Variants in FBN3 observed in about 807,000 individuals in gnomAD.
FBN3 encodes the protein fibrillin 3.
Under a neutral mutation model 330.1 loss-of-function variants are expected in FBN3, and 234 were observed. The observed-to-expected ratio is 0.71, with a 90% CI of 0.64 to 0.79. The LOEUF is 0.79. Ranked by LOEUF, FBN3 falls within the 30% of genes least tolerant of loss-of-function variation. The pLI, the probability that FBN3 is intolerant of heterozygous loss-of-function variation, is 0.00. For missense variants in FBN3, 3,606 were observed against 3,886.9 expected, an observed-to-expected ratio of 0.93 and a Z score of 1.92; for synonymous variants, 1,458 against 1,517.3, an observed-to-expected ratio of 0.96 and a Z score of 0.91.
At position 8,094,611 on chromosome 19, in the gene FBN3, G is replaced by C. The variant is rs749572695; in HGVS notation, c.5786-46C>G. 2.5e-6 allele frequency: 4 copies of C among 1,588,718 alleles called. No homozygotes were observed. In the East Asian group the frequency reaches 9.0e-5, roughly 36 times the overall value. ...GGTCCTTGTGCCAGCCAGGATGCAG[G>C]GGGCTCACTTGGGACTGGGACCAAC... On this transcript the variant is annotated intron_variant, in intron 46 of 63. Transcript: ENST00000600128.
intron 34 of FBN3, 55 bp downstream of exon 34, chr19:8,110,790 C>T: frequency 6.2e-7 from 1 of 1,609,170 alleles, no homozygotes; most frequent in Non-Finnish European, 8.5e-7. Flanking sequence ...GAGCCATGTC[C>T]CCTGCCCCAA....
intron 8 of FBN3, among the ~76,000 whole-genome samples, chr19:8,138,998 G>A (rs1252555089): frequency 6.6e-6 from 1 of 151,988 alleles, no homozygotes; most frequent in Non-Finnish European, 1.5e-5. Flanking sequence ...AGATTGCAGT[G>A]AGCTGAGATC....
chr19:8,120,684 C>T (rs1458503371), intron 25 of FBN3, among the ~76,000 whole-genome samples: 1 of 152,114 alleles, frequency 6.6e-6, no homozygotes, highest in Non-Finnish European at 1.5e-5. Flanking sequence ...GTTATGTTGC[C>T]CAGGCTGGCC....
intron 30 of FBN3, 94 bp from the exon 31 acceptor site, chr19:8,112,193 G>A: frequency 7.4e-7 from 1 of 1,351,906 alleles, no homozygotes; most frequent in Non-Finnish European, 1.0e-6. Context: ...TTCCTCTCTA[G>A]GGGAGAGCTG....
At chr19:8,145,052 C>T (rs2145060526) in intron 5 of FBN3, 80 bp from the exon 6 acceptor site, 2 of 1,184,410 alleles carry the variant, frequency 1.7e-6, no homozygotes, top group African/African-American at 1.5e-5. Context: ...TGTCTTCACC[C>T]AGGAATCCCC....
intron 56 of FBN3, among the ~76,000 whole-genome samples, chr19:8,084,896 T>C (rs900824625): frequency 7.8e-4 from 119 of 151,824 alleles, no homozygotes; most frequent in Non-Finnish European, 1.8e-4. Flanking sequence ...CCTATTTTTA[T>C]TGCTTTTGGA....
At chr19:8,098,045 T>G (rs1026732437) in intron 41 of FBN3, among the ~76,000 whole-genome samples, 1 of 152,232 alleles carries the variant, frequency 6.6e-6, no homozygotes, top group African/African-American at 2.4e-5. Context: ...TGAAAATGTT[T>G]TAAACTTAGA....
chr19:8,127,059 G>GTTTT (rs869282535), intron 18 of FBN3, among the ~76,000 whole-genome samples: 6 of 103,886 alleles, frequency 5.8e-5, no homozygotes, highest in Non-Finnish European at 9.3e-5. Context: ...TTTTTTTTTT[G>GTTTT]TTTTTTTTTT....
intron 63 of FBN3, among the ~76,000 whole-genome samples, chr19:8,071,414 T>C (rs150918051): frequency 1.8e-3 from 273 of 151,892 alleles, no homozygotes; most frequent in African/African-American, 6.2e-3. Flanking sequence ...AGATGCTGAG[T>C]GGGTATGTCA....
Position 8,138,189 on chromosome 19 carries a change from A to G in FBN3, c.1153T>C (p.Ser385Pro). The G allele has an allele frequency of 6.2e-7, 1 of 1,613,254 alleles. No homozygotes were observed. Among genetic ancestry groups the G allele is most frequent in the Non-Finnish European group, 8.5e-7 (1 of 1,179,720 alleles). The change falls in exon 10 of 64, where the codon TCT (serine) becomes CCT (proline). Residue 385 changes from serine to proline, a missense_variant. By Grantham distance (74) the Ser-to-Pro change is moderately conservative (BLOSUM62 -1). Coordinates refer to ENST00000600128, the MANE Select transcript of FBN3 (RefSeq NM_032447.5). ...AGGCTGGGGATCCCACGCGCATCAG[A>G]GCCATGGGGGTTGAGTCGCGCTGGC... ...LGPARLNPHG[S>P]DARGIPSLGP...
intron 38 of FBN3, among the ~76,000 whole-genome samples, chr19:8,105,118 C>A (rs1453244734): frequency 6.6e-6 from 1 of 151,732 alleles, no homozygotes; most frequent in African/African-American, 2.4e-5. Context: ...CTATGCCCGG[C>A]TAATTTTTGT....
Position 8,109,340 on chromosome 19 carries a change from C to A in FBN3, c.4505G>T (p.Ser1502Ile). Residue 1502 changes from serine (S) to isoleucine (I), a missense_variant, in exon 36 of 64, where the codon AGT becomes ATT. Ser to Ile is a moderately radical substitution (Grantham distance 142). Transcript: ENST00000600128. The surrounding 1 kb of genome is among the most constrained non-coding windows in gnomAD (Gnocchi z 5.2). ...CFLETHDRGD[S>I]GISCSAEIGV... ...GATCTCGGCACTGCAGGAAATGCCA[C>A]TGTCCCCTCGGTCATGCGTCTCCAG... 3.1e-6 allele frequency: 5 copies of A among 1,614,228 alleles called. No individual in the cohort carries two copies. Among genetic ancestry groups the A allele is most frequent in the Non-Finnish European group, 4.2e-6 (5 of 1,180,042 alleles).
At chr19:8,130,605 A>AAGGAAGGAAGG (rs2083108054) in intron 16 of FBN3, among the ~76,000 whole-genome samples, 1 of 11,986 alleles carries the variant, frequency 8.3e-5, no homozygotes, top group Middle Eastern at 0.021. Flanking sequence ...AGAAAGAAAG[A>AAGGAAGGAAGG]AAGAAAGAAA....
chr19:8,088,439 G>T (rs7257658), intron 51 of FBN3, among the ~76,000 whole-genome samples: 18,496 of 152,016 alleles, frequency 0.12, 1,214 homozygotes, highest in African/African-American at 0.16. Context: ...GCCAGTGAAT[G>T]AAGGAGTGAT....
rs11666450 is a variant in FBN3, at chr19:8,132,981, C to T, written c.1714+3G>A. On this transcript the variant is annotated splice_donor_region_variant and intron_variant, in intron 14 of 63. Transcript: ENST00000600128. ...CCGCTGGCCAGTCTGGCTCCAGGCT[C>T]ACCCATGCAGTAGTGGCCGCCAGGC... 0.34 allele frequency: 533,708 copies of T among 1,550,886 alleles called. 97,965 individuals are homozygous for T. The highest frequency in any genetic ancestry group is 0.38 in the Non-Finnish European group (440,728 of 1,151,610).
intron 16 of FBN3, among the ~76,000 whole-genome samples, chr19:8,130,022 C>A (rs1457381725): frequency 6.6e-6 from 1 of 151,984 alleles, no homozygotes; most frequent in Non-Finnish European, 1.5e-5. Context: ...CTCAGCCCCC[C>A]AAGTAGCTGG....
Position 8,090,053 on chromosome 19 carries a change from G to C in FBN3, c.6184+46C>G, listed in dbSNP as rs1321560436. 1.9e-6 allele frequency: 3 copies of C among 1,606,016 alleles called. No homozygotes were observed. In the South Asian group the frequency reaches 3.3e-5, roughly 18 times the overall value. On this transcript the variant is annotated intron_variant, in intron 49 of 63. Coordinates refer to ENST00000600128, the MANE Select transcript of FBN3 (RefSeq NM_032447.5). ...GATGAGAGAAGAATGAGAGAGGAAGGTGAGGGCACATCATCCAGGGAGCCT... is the reference window on the plus strand; with the variant it reads ...GATGAGAGAAGAATGAGAGAGGAAGCTGAGGGCACATCATCCAGGGAGCCT...
At position 8,072,911 on chromosome 19, in the gene FBN3, T is replaced by C. The variant is rs61538929; in HGVS notation, c.7937+152A>G. 0.02 allele frequency: 13,170 copies of C among 667,894 alleles called. 1,235 individuals carry two copies. In the African/African-American group the frequency reaches 0.2, roughly 10 times the overall value. The allele number at this position is 667,894 out of a possible 1,614,324, so 41.4% of individuals were successfully genotyped here. A position where few individuals can be genotyped will look rare whatever the true frequency, so the allele number is the denominator to read the frequency against. On this transcript the variant is annotated intron_variant, in intron 62 of 63. Transcript: ENST00000600128. ...CTCTGTGCATATGTGGGCAAATGCC[T>C]GCATGCACAGGCTGAAGGAGCTCTT...
rs764444197 is a variant in FBN3 at position 8,075,113 on chromosome 19, G to A, written c.7660C>T (p.Pro2554Ser). Residue 2554 changes from proline to serine, a missense_variant, in exon 61 of 64, where the codon CCC (proline) becomes TCC (serine). Transcript: ENST00000600128. ...TGGGAGTGCTGGGTGAAACCCTGGGGGCAGCTGCAGCGGTAGCCCCCTAGC... is the reference window on the plus strand; with the variant it reads ...TGGGAGTGCTGGGTGAAACCCTGGGAGCAGCTGCAGCGGTAGCCCCCTAGC... ...NQLGGYRCSCPQGFTQHSQWA... is the reference protein window; with the variant it reads ...NQLGGYRCSCSQGFTQHSQWA... 5 of 1,593,748 alleles carry A rather than the reference G, an allele frequency of 3.1e-6. No homozygotes were observed. The highest frequency in any genetic ancestry group is 2.2e-5 in the East Asian group (1 of 44,610).
Sources: allele counts gnomAD v4.1 joint callset (sites outside exome capture counted in the v4.1 genomes callset), GRCh38; gene constraint gnomAD v4.1.1; non-coding constraint Gnocchi (gnomAD v3.1); transcripts MANE v1.5; gene names NCBI Gene and HGNC (gene_info 2026-07-23, HGNC 2026-07-21).